Variants in PCDHA2 observed in about 807,000 individuals in gnomAD.
PCDHA2 encodes protocadherin alpha-2.
Under a neutral mutation model 66.0 loss-of-function variants are expected in PCDHA2, and 58 were observed. That is an observed-to-expected ratio of 0.88 (90% CI 0.71 to 1.09). The LOEUF (loss-of-function observed/expected upper bound fraction) is 1.09, where lower values mean the gene tolerates loss of function less well. PCDHA2 is among the 50% of genes least tolerant of loss of function. The probability of loss-of-function intolerance (pLI) is 0.00; values close to 1 mark genes in which losing one functional copy is unlikely to be tolerated. For synonymous variants in PCDHA2, 634 were observed against 554.0 expected (o/e 1.14, Z -2.03); for missense variants, 1,267 against 1,242.3 (o/e 1.02, Z -0.30).
At chr5:140,808,435 G>C in intron 1 of PCDHA2, 2 of 1,614,194 alleles carry the variant, frequency 1.2e-6, no homozygotes, top group Non-Finnish European at 1.7e-6. Context: ...TGGACCGCGA[G>C]AGCGTGTCAG....
chr5:140,881,446 TC>T, intron 1 of PCDHA2: 1 of 787,056 alleles, frequency 1.3e-6, no homozygotes, highest in Non-Finnish European at 1.5e-6. Flanking sequence ...AAAAACAGAA[TC>T]CAAAACCTTA....
At chr5:140,925,978 T>G (rs2082847274) in intron 1 of PCDHA2, among the ~76,000 whole-genome samples, 1 of 152,164 alleles carries the variant, frequency 6.6e-6, no homozygotes, top group Admixed American at 6.5e-5. Flanking sequence ...AAAAAAGCCT[T>G]GAGCTCGCTG....
rs1554119506 is a variant in PCDHA2 at position 140,795,594 on chromosome 5, G to T, written c.630G>T (p.Leu210Phe). The T allele has an allele frequency of 1.9e-6, 3 of 1,614,024 alleles. No individual in the cohort carries two copies. Residue 210 changes from leucine to phenylalanine, a missense_variant, in exon 1 of 4, where the codon TTG becomes TTT. Transcript: ENST00000526136. ...GAGAGGAAACTGCTGAGGTTAATTT[G>T]TTACTGGTGGCTACTGATGGGGGCA... ...LDREETAEVN[L>F]LLVATDGGKP...
At chr5:140,870,426 C>G (rs574302735) in intron 1 of PCDHA2, 1 of 1,614,208 alleles carries the variant, frequency 6.2e-7, no homozygotes, top group African/African-American at 1.3e-5. Flanking sequence ...CCAGGGTATC[C>G]GTGGAGGTGG....
At chr5:140,952,009 G>A (rs780606946) in intron 1 of PCDHA2, among the ~76,000 whole-genome samples, 1 of 152,102 alleles carries the variant, frequency 6.6e-6, no homozygotes, top group African/African-American at 2.4e-5. Flanking sequence ...AGAATTATAG[G>A]CCCCATGCAA....
rs142047105 is a variant in PCDHA2, at chr5:140,842,697, A to T, written c.2388+45345A>T. 6.3e-6 allele frequency: 10 copies of T among 1,595,144 alleles called. 2 individuals are homozygous for T. The highest frequency in any genetic ancestry group is 8.6e-6 in the Non-Finnish European group (10 of 1,165,510). On this transcript the variant is annotated intron_variant, in intron 1 of 3. Transcript: ENST00000526136. ...AATGCTCCGGCGTTCGCGCAGCCCG[A>T]GTACACGGTGTTCGTGAAGGAGAAC... is the stretch of plus-strand genomic sequence containing the variant.
At chr5:140,944,438 C>T (rs1585166190) in intron 1 of PCDHA2, among the ~76,000 whole-genome samples, 2 of 152,154 alleles carry the variant, frequency 1.3e-5, no homozygotes, top group Non-Finnish European at 2.9e-5. Flanking sequence ...CTGCCTGCCT[C>T]GGCCTCCCAA....
Position 140,856,075 on chromosome 5 carries a change from G to T in PCDHA2, c.2388+58723G>T. 2 of 1,593,334 alleles carry T rather than the reference G, an allele frequency of 1.3e-6. 1 individual carries two copies. The highest frequency in any genetic ancestry group is 1.7e-6 in the Non-Finnish European group (2 of 1,164,466). Reference sequence around the variant, plus strand: ...TGGTTTCCAGATGTAGCTGCCTGGGGGTCCAGTGTCTGCTGCTCTCGCTTC... The same window carrying T: ...TGGTTTCCAGATGTAGCTGCCTGGGTGTCCAGTGTCTGCTGCTCTCGCTTC... On this transcript the variant is annotated intron_variant, in intron 1 of 3. Transcript: ENST00000526136.
chr5:140,817,516 T>C (rs1343566593), intron 1 of PCDHA2: 2 of 152,260 alleles, frequency 1.3e-5, no homozygotes, highest in Admixed American at 6.5e-5. Context: ...AATTATTTTA[T>C]TGATTTCCTC....
In PCDHA2 at chr5:140,807,239, C is replaced by T. The variant is rs782505608; in HGVS notation, c.2388+9887C>T. On this transcript the variant is annotated intron_variant, in intron 1 of 3. Transcript: ENST00000526136. ...GGAATCCCGGCGTCTGCTGCTCTTACTTCTTCTCCTCGCAGCCTGGGAGGC... is the reference window on the plus strand; with the variant it reads ...GGAATCCCGGCGTCTGCTGCTCTTATTTCTTCTCCTCGCAGCCTGGGAGGC... The T allele has an allele frequency of 8.1e-5, 131 of 1,613,964 alleles. No homozygotes were observed. The highest frequency in any genetic ancestry group is 1.8e-4 in the Admixed American group (11 of 60,002).
intron 1 of PCDHA2, chr5:140,835,840 A>G (rs1773975700): frequency 6.2e-7 from 1 of 1,612,274 alleles, no homozygotes; most frequent in Non-Finnish European, 8.5e-7. Flanking sequence ...GACGCGCAGA[A>G]GAACGCGCTG....
intron 1 of PCDHA2, chr5:140,875,963 T>C: frequency 4.3e-6 from 7 of 1,614,122 alleles, no homozygotes; most frequent in Non-Finnish European, 5.9e-6. Context: ...GATATCGGCG[T>C]AAACTCTCTT....
intron 1 of PCDHA2, chr5:140,966,586 T>C (rs1339521044): frequency 5.5e-6 from 3 of 548,910 alleles, no homozygotes; most frequent in Non-Finnish European, 8.8e-6. Flanking sequence ...GCGAGGACGG[T>C]GGGGCCAGGA....
intron 1 of PCDHA2, among the ~76,000 whole-genome samples, chr5:140,901,445 C>T (rs1207516323): frequency 6.6e-6 from 1 of 152,074 alleles, no homozygotes; most frequent in Admixed American, 6.6e-5. Context: ...ATCTAGTTTC[C>T]CAGCACAGAC....
intron 1 of PCDHA2, chr5:140,928,020 T>G: frequency 1.2e-6 from 2 of 1,614,182 alleles, no homozygotes; most frequent in Middle Eastern, 1.6e-4. Context: ...GTAGGGTCAT[T>G]TGTGGCATGT....
At chr5:140,835,184 A>G in intron 1 of PCDHA2, 2 of 1,525,540 alleles carry the variant, frequency 1.3e-6, no homozygotes, top group Non-Finnish European at 1.8e-6. Flanking sequence ...CCAATGCCTC[A>G]GATTTAGACG....
chr5:140,986,753 A>C (rs2097211895), intron 3 of PCDHA2, among the ~76,000 whole-genome samples: 1 of 152,236 alleles, frequency 6.6e-6, no homozygotes, highest in Non-Finnish European at 1.5e-5. Flanking sequence ...CTGGGACTAA[A>C]CAGTGAAAGA....
rs148828100 is a variant in PCDHA2, at chr5:140,841,462, G to C, written c.2388+44110G>C. The stretch of plus-strand genomic sequence containing the variant: ...CCAAACACGGCACCTTCGTGGGCCG[G>C]ATCGCGCAGGACCTGGGGCTGGAGC... On this transcript the variant is annotated intron_variant, in intron 1 of 3. Coordinates refer to ENST00000526136, the MANE Select transcript of PCDHA2 (RefSeq NM_018905.3). 2.4e-3 allele frequency: 3,771 copies of C among 1,566,800 alleles called. 62 individuals are homozygous for C. Among genetic ancestry groups the C allele is most frequent in the African/African-American group, 0.015 (1,090 of 73,024 alleles).
At chr5:140,829,044 T>C in intron 1 of PCDHA2, 1 of 1,613,140 alleles carries the variant, frequency 6.2e-7, no homozygotes. Context: ...TTATACAAAA[T>C]CCTCATTGAC....
Sources: allele counts gnomAD v4.1 joint callset (sites outside exome capture counted in the v4.1 genomes callset), GRCh38; gene constraint gnomAD v4.1.1; transcripts MANE v1.5; gene names NCBI Gene and HGNC (gene_info 2026-07-23, HGNC 2026-07-21).